Variants in PAPPA observed in about 807,000 individuals in gnomAD.
PAPPA encodes pappalysin 1, also known as pappalysin-1.
In PAPPA, 60 loss-of-function variants were observed where a neutral mutation model predicts 164.0. That is an observed-to-expected ratio of 0.37 (90% CI 0.30 to 0.45). PAPPA has a LOEUF of 0.45. Ranked by LOEUF, PAPPA falls within the 20% of genes least tolerant of loss-of-function variation. The pLI is 1.00. For synonymous variants in PAPPA, 875 were observed against 814.1 expected (o/e 1.07, Z -1.27); for missense variants, 1,782 against 2,087.3 (o/e 0.85, Z 2.85).
intron 13 of PAPPA, among the ~76,000 whole-genome samples, chr9:116,336,335 C>T (rs1846061847): frequency 1.3e-5 from 2 of 152,182 alleles, no homozygotes; most frequent in Non-Finnish European, 2.9e-5. Flanking sequence ...TTGTTTAGTA[C>T]CCACTGTCTC....
intron 9 of PAPPA, among the ~76,000 whole-genome samples, chr9:116,276,016 C>A (rs1845193226): frequency 6.6e-6 from 1 of 152,182 alleles, no homozygotes; most frequent in African/African-American, 2.4e-5. Flanking sequence ...AGGCTTCATC[C>A]CTTTGCAATG....
intron 17 of PAPPA, among the ~76,000 whole-genome samples, chr9:116,355,707 C>G (rs1042412988): frequency 6.6e-6 from 1 of 152,158 alleles, no homozygotes; most frequent in Non-Finnish European, 1.5e-5. Context: ...CTGGGGCCTT[C>G]CAAGTAACTT....
chr9:116,340,049 T>C (rs905752345), intron 13 of PAPPA, among the ~76,000 whole-genome samples: 1 of 152,214 alleles, frequency 6.6e-6, no homozygotes, highest in African/African-American at 2.4e-5. Flanking sequence ...GTTTGAGAAT[T>C]TGATCTATAG....
Position 116,386,622 on chromosome 9 carries a change from T to C in PAPPA, c.4776+4129T>C, listed in dbSNP as rs192055308. Among the ~76,000 whole-genome samples the C allele has an allele frequency of 2.0e-5, 3 of 152,298 alleles. No individual in the cohort carries two copies. The East Asian group carries it at 5.8e-4, about 29-fold the overall frequency. On this transcript the variant is annotated intron_variant, in intron 21 of 21. Transcript: ENST00000328252. ...ACCCAGTTCTATCTGACTCAAAAGT[T>C]CTGCTTTTTCTCCTGCATGGTGCTG...
chr9:116,156,304 ATGTATATATATGTG>A (rs1843601710), intron 1 of PAPPA, among the ~76,000 whole-genome samples: 1 of 126,634 alleles, frequency 7.9e-6, no homozygotes, highest in Non-Finnish European at 1.6e-5. Flanking sequence ...ATATATATAC[ATGTATATATATGTG>A]TGTATATATA....
chr9:116,186,883 T>C (rs1034360830), intron 1 of PAPPA, among the ~76,000 whole-genome samples: 1 of 152,178 alleles, frequency 6.6e-6, no homozygotes, highest in Admixed American at 6.5e-5. Context: ...ATGCTTCATA[T>C]TCAAAACCAA....
intron 21 of PAPPA, among the ~76,000 whole-genome samples, chr9:116,393,515 G>A (rs1180653814): frequency 5.3e-5 from 8 of 152,120 alleles, no homozygotes; most frequent in African/African-American, 1.7e-4. Flanking sequence ...AGCTGACATC[G>A]AAGTAAAGAA....
chr9:116,362,538 T>G, intron 17 of PAPPA, 54 bp from the exon 18 acceptor site: 3 of 1,566,200 alleles, frequency 1.9e-6, no homozygotes, highest in Non-Finnish European at 2.6e-6. Context: ...GAATAGCTTA[T>G]TCAATTGGGG....
In PAPPA at chr9:116,222,700, T is replaced by C. The variant is rs537188085; in HGVS notation, c.2111+2571T>C. ...GACCACCAGAGGCAGGTGGGGTGAG[T>C]GGGGAAAGGGACGATGTTGATCAAA... is the stretch of plus-strand genomic sequence containing the variant. On this transcript the variant is annotated intron_variant, in intron 5 of 21. Transcript: ENST00000328252. 2.8e-5 allele frequency among the ~76,000 whole-genome samples: 4 copies of C among 145,198 alleles called. No individual in the cohort carries two copies. In the East Asian group the frequency reaches 7.8e-4, roughly 28 times the overall value.
Position 116,400,029 on chromosome 9 carries a change from A to AAAAG in PAPPA, c.*3431_*3434dup, listed in dbSNP as rs150452744. The AAAAG allele has an allele frequency of 9.2e-5, 14 of 152,484 alleles. No homozygotes were observed. The highest frequency in any genetic ancestry group is 6.2e-4 in the South Asian group (3 of 4,830). 9.4% of individuals were successfully genotyped at this position (152,484 alleles called of 1,614,324 possible). A position where few individuals can be genotyped will look rare whatever the true frequency, so the allele number is the denominator to read the frequency against. On this transcript the variant is annotated 3_prime_UTR_variant, in exon 22 of 22. Transcript: ENST00000328252. ...AGGTCTTACCTGTGTGAAAGAAAGA[A>AAAAG]AAAGAAAGAAAGAAAGAAAGAGAAA...
rs114280729 is a variant in PAPPA, at chr9:116,321,334, C to T, written c.3148-9910C>T. Among the ~76,000 whole-genome samples the T allele has an allele frequency of 2.9e-3, 445 of 152,294 alleles. 4 individuals are homozygous for T. Among genetic ancestry groups the T allele is most frequent in the African/African-American group, 0.01 (426 of 41,560 alleles). ...GAGCCACCGCGCCTGGCCATACATT[C>T]GCTTAGCATCTAAGCTGGACCTTCC... On this transcript the variant is annotated intron_variant, in intron 10 of 21. Transcript: ENST00000328252.
At chr9:116,229,442 A>G (rs148372568) in intron 6 of PAPPA, among the ~76,000 whole-genome samples, 1 of 152,232 alleles carries the variant, frequency 6.6e-6, no homozygotes, top group East Asian at 1.9e-4. Context: ...ACTCTTCTGT[A>G]TTCTTGAATT....
At chr9:116,368,405 A>G (rs1564244301) in intron 19 of PAPPA, among the ~76,000 whole-genome samples, 1 of 152,174 alleles carries the variant, frequency 6.6e-6, no homozygotes, top group Non-Finnish European at 1.5e-5. Context: ...CTCGGAAGTG[A>G]GGTGATGGGC....
chr9:116,201,662 T>C (rs906646376), intron 2 of PAPPA, among the ~76,000 whole-genome samples: 1 of 152,194 alleles, frequency 6.6e-6, no homozygotes, highest in East Asian at 1.9e-4. Context: ...CCTCCTTTCT[T>C]GGTTGAATTT....
At chr9:116,256,173 G>A (rs900971006) in intron 7 of PAPPA, among the ~76,000 whole-genome samples, 1 of 151,750 alleles carries the variant, frequency 6.6e-6, no homozygotes, top group African/African-American at 2.4e-5. Flanking sequence ...AGTAAACAAG[G>A]CATCAAAATA....
intron 1 of PAPPA, among the ~76,000 whole-genome samples, chr9:116,182,616 G>A (rs148560446): frequency 4.7e-4 from 72 of 152,298 alleles, no homozygotes; most frequent in African/African-American, 1.7e-3. Flanking sequence ...CCTTAGCCAA[G>A]GTTCTGAGAG....
intron 2 of PAPPA, among the ~76,000 whole-genome samples, chr9:116,196,827 C>T (rs1325845777): frequency 6.6e-6 from 1 of 152,154 alleles, no homozygotes; most frequent in Admixed American, 6.5e-5. Flanking sequence ...AGCACTGTCT[C>T]CACATCGAGC....
At position 116,216,424 on chromosome 9, in the gene PAPPA, A is replaced by G. The variant is rs1382035079; in HGVS notation, c.1919-3513A>G. ...AGAGGAAGATTCAGTTAGCAAACCC[A>G]GGGTACCGTATCAACAGCATGGGGA... On this transcript the variant is annotated intron_variant, in intron 4 of 21. Transcript: ENST00000328252. 2.6e-5 allele frequency among the ~76,000 whole-genome samples: 4 copies of G among 152,176 alleles called. No homozygotes were observed. The East Asian group carries it at 7.7e-4, about 29-fold the overall frequency.
rs1369149370 is a variant in PAPPA at position 116,401,176 on chromosome 9, G to T, written c.*4560G>T. The stretch of plus-strand genomic sequence containing the variant: ...GTATTGGAGAATATTTTATTTTTTT[G>T]GCAAATTTGATCTTACCCTTTACCA... On this transcript the variant is annotated 3_prime_UTR_variant, in exon 22 of 22. Coordinates refer to ENST00000328252, the MANE Select transcript of PAPPA (RefSeq NM_002581.5). 6.6e-6 allele frequency: 1 copy of T among 152,452 alleles called. No homozygotes were observed. The highest frequency in any genetic ancestry group is 2.4e-5 in the African/African-American group (1 of 41,402). The allele number at this position is 152,452 out of a possible 1,614,324, so 9.4% of individuals were successfully genotyped here.
Sources: gnomAD v4.1 joint callset for allele counts (sites outside exome capture counted in the v4.1 genomes callset) on GRCh38, gnomAD v4.1.1 for gene constraint, MANE v1.5 for transcripts, NCBI Gene and HGNC (gene_info 2026-07-23, HGNC 2026-07-21) for gene names.